STK38L: variants seen among roughly 807,000 people sequenced by gnomAD.
STK38L encodes the protein serine/threonine kinase 38 like.
In STK38L, 28 loss-of-function variants were observed where a neutral mutation model predicts 59.7. That is an observed-to-expected ratio of 0.47 (90% confidence interval 0.35 to 0.64). The LOEUF (loss-of-function observed/expected upper bound fraction) is 0.64, where lower values mean the gene tolerates loss of function less well. Ranked by LOEUF, STK38L falls within the 30% of genes least tolerant of loss-of-function variation. The probability of loss-of-function intolerance (pLI) is 0.01; values close to 1 mark genes in which losing one functional copy is unlikely to be tolerated. For missense variants in STK38L, 314 were observed against 555.8 expected (o/e 0.56, Z 4.37); for synonymous variants, 162 against 176.8 (o/e 0.92, Z 0.66).
At chr12:27,261,642 C>T (rs1943206506) in intron 1 of STK38L, among the ~76,000 whole-genome samples, 1 of 152,284 alleles carries the variant, frequency 6.6e-6, no homozygotes, top group East Asian at 1.9e-4. Context: ...AGCTTAAGGT[C>T]TACTTGATCA....
chr12:27,293,224 A>T (rs1406199995), intron 1 of STK38L, among the ~76,000 whole-genome samples: 1 of 152,140 alleles, frequency 6.6e-6, no homozygotes, highest in Non-Finnish European at 1.5e-5. Context: ...TTTGTTCCTT[A>T]ATGTTCCTCA....
intron 2 of STK38L, among the ~76,000 whole-genome samples, chr12:27,301,625 A>G (rs1018888089): frequency 3.3e-5 from 5 of 152,214 alleles, no homozygotes; most frequent in African/African-American, 1.2e-4. Flanking sequence ...AATACAATAA[A>G]ATAAATGCAA....
At chr12:27,245,403 A>C (rs1020953016) in intron 1 of STK38L, among the ~76,000 whole-genome samples, 2 of 152,126 alleles carry the variant, frequency 1.3e-5, no homozygotes, top group African/African-American at 4.8e-5. Flanking sequence ...TAAGATGGGG[A>C]TTGATGAGTG....
chr12:27,298,832 C>G (rs957529922), intron 2 of STK38L, among the ~76,000 whole-genome samples: 1 of 152,194 alleles, frequency 6.6e-6, no homozygotes, highest in Non-Finnish European at 1.5e-5. Flanking sequence ...GTGCTAGATT[C>G]CAACATCCTG....
intron 1 of STK38L, among the ~76,000 whole-genome samples, chr12:27,263,835 C>T (rs11608509): frequency 0.042 from 6,445 of 152,188 alleles, 169 homozygotes; most frequent in Non-Finnish European, 0.061. Context: ...AATCTGTCTA[C>T]GTGAGAGTGC....
chr12:27,273,905 G>T (rs17411617), intron 1 of STK38L, among the ~76,000 whole-genome samples: 18,201 of 152,182 alleles, frequency 0.12, 1,332 homozygotes, highest in Non-Finnish European at 0.17. Context: ...ATAAGTACGT[G>T]TGGTTTGTGG....
At chr12:27,304,816 T>C (rs954984131) in intron 3 of STK38L, among the ~76,000 whole-genome samples, 1 of 152,074 alleles carries the variant, frequency 6.6e-6, no homozygotes, top group Non-Finnish European at 1.5e-5. Context: ...GCTGGCCAGG[T>C]TGGTTTCATA....
At chr12:27,264,602 A>C (rs1943265405) in intron 1 of STK38L, among the ~76,000 whole-genome samples, 1 of 152,208 alleles carries the variant, frequency 6.6e-6, no homozygotes, top group South Asian at 2.1e-4. Flanking sequence ...ACAATACAAC[A>C]ATAAAAAATG....
intron 1 of STK38L, among the ~76,000 whole-genome samples, chr12:27,274,233 C>CAAAAAAAAAA (rs35554589): frequency 7.0e-6 from 1 of 143,238 alleles, no homozygotes; most frequent in Non-Finnish European, 1.5e-5. Flanking sequence ...AAGACTCTGT[C>CAAAAAAAAAA]AAAAAAAAAA....
At chr12:27,312,013 G>T (rs749715778) in intron 5 of STK38L, among the ~76,000 whole-genome samples, 1 of 152,010 alleles carries the variant, frequency 6.6e-6, no homozygotes, top group Admixed American at 6.6e-5. Flanking sequence ...CTGAGTAGCC[G>T]GGACTACTGG....
chr12:27,252,425 T>A (rs1055867546), intron 1 of STK38L, among the ~76,000 whole-genome samples: 1 of 152,126 alleles, frequency 6.6e-6, no homozygotes, highest in African/African-American at 2.4e-5. Flanking sequence ...CTTGTACTAG[T>A]GTCTGTTTTA....
intron 1 of STK38L, among the ~76,000 whole-genome samples, chr12:27,244,554 G>T (rs1264597387): frequency 1.3e-5 from 2 of 152,170 alleles, no homozygotes; most frequent in Non-Finnish European, 2.9e-5. Context: ...AGGGAGCCTC[G>T]CACCCGGGGA....
chr12:27,321,213 T>C (rs976968994), intron 12 of STK38L, among the ~76,000 whole-genome samples: 1 of 152,196 alleles, frequency 6.6e-6, no homozygotes, highest in African/African-American at 2.4e-5. Context: ...AATAATTTGG[T>C]AAACTTAGCA....
intron 1 of STK38L, among the ~76,000 whole-genome samples, chr12:27,257,826 T>G (rs530270889): frequency 6.6e-6 from 1 of 152,202 alleles, no homozygotes; most frequent in Non-Finnish European, 1.5e-5. Flanking sequence ...TTGTATAAAT[T>G]TTAGGGGCAG....
intron 1 of STK38L, among the ~76,000 whole-genome samples, chr12:27,255,929 T>C (rs1404096457): frequency 6.6e-6 from 1 of 152,184 alleles, no homozygotes; most frequent in African/African-American, 2.4e-5. Context: ...GACTTTATCT[T>C]CTCCCTTCAC....
At chr12:27,268,977 T>C (rs1204804835) in intron 1 of STK38L, among the ~76,000 whole-genome samples, 1 of 152,248 alleles carries the variant, frequency 6.6e-6, no homozygotes, top group African/African-American at 2.4e-5. Flanking sequence ...TTTGTTTTTT[T>C]CTTGTAAATT....
At chr12:27,265,115 T>C (rs530847339) in intron 1 of STK38L, among the ~76,000 whole-genome samples, 1 of 152,212 alleles carries the variant, frequency 6.6e-6, no homozygotes, top group South Asian at 2.1e-4. Context: ...ATAAAAGGCA[T>C]GTAAGGCTGT....
chr12:27,245,801 G>C (rs1263933471), intron 1 of STK38L: 1 of 152,034 alleles, frequency 6.6e-6, no homozygotes, highest in African/African-American at 2.4e-5. Context: ...CTCAAAATAG[G>C]TAGGTACAAT....
At chr12:27,320,111 T>TA (rs1361164692) in intron 12 of STK38L, among the ~76,000 whole-genome samples, 3 of 152,156 alleles carry the variant, frequency 2.0e-5, no homozygotes, top group Non-Finnish European at 4.4e-5. Context: ...GTTTTGCTAT[T>TA]TGCTATCCAT....
Sources: gnomAD v4.1 joint callset for allele counts (sites outside exome capture counted in the v4.1 genomes callset) on GRCh38, gnomAD v4.1.1 for gene constraint, MANE v1.5 for transcripts, NCBI Gene and HGNC (gene_info 2026-07-23, HGNC 2026-07-21) for gene names.